The following LRP1B variants were observed in gnomAD, a reference collection of about 807,000 sequenced individuals.
LRP1B encodes the protein low-density lipoprotein receptor-related protein 1B.
A neutral mutation model predicts 556.6 loss-of-function variants in LRP1B; 217 were observed. The observed-to-expected ratio is 0.39, with a 90% CI of 0.35 to 0.44. The LOEUF (loss-of-function observed/expected upper bound fraction) is 0.44. Ranked by LOEUF, LRP1B falls within the 20% of genes least tolerant of loss-of-function variation. LRP1B has a pLI of 1.00. For synonymous variants in LRP1B, 2,047 were observed against 1,865.8 expected, an observed-to-expected ratio of 1.10 and a Z score of -2.50; for missense variants, 5,053 against 5,620.8, an observed-to-expected ratio of 0.90 and a Z score of 3.23.
chr2:141,159,510 G>A (rs956072917), intron 7 of LRP1B, among the ~76,000 whole-genome samples: 5 of 152,044 alleles, frequency 3.3e-5, no homozygotes, highest in African/African-American at 1.2e-4. Context: ...GGGACTACAG[G>A]TGCACACAAC....
intron 3 of LRP1B, among the ~76,000 whole-genome samples, chr2:141,339,412 T>G (rs1687972003): frequency 6.6e-6 from 1 of 152,174 alleles, no homozygotes; most frequent in South Asian, 2.1e-4. Flanking sequence ...TTGAGACAAT[T>G]TTAGGCTTTT....
chr2:140,952,742 T>C (rs2105304343), intron 18 of LRP1B, among the ~76,000 whole-genome samples: 1 of 152,134 alleles, frequency 6.6e-6, no homozygotes, highest in African/African-American at 2.4e-5. Flanking sequence ...ATAATCAAGG[T>C]GAATAGCCAA....
chr2:141,304,079 C>T (rs115696336), intron 3 of LRP1B, among the ~76,000 whole-genome samples: 2,351 of 152,096 alleles, frequency 0.015, 54 homozygotes, highest in African/African-American at 0.053. Flanking sequence ...GAAATATTTA[C>T]TCATTTCCTT....
rs868414270 is a variant in LRP1B, at chr2:141,831,760, C to T, written c.83-21359G>A. ...TGAGAAAATCATATAGTATTATATACAAATTATTATAGTCTGTGGCATGCA... is the reference window on the plus strand; with the variant it reads ...TGAGAAAATCATATAGTATTATATATAAATTATTATAGTCTGTGGCATGCA... On this transcript the variant is annotated intron_variant, in intron 1 of 90. Transcript: ENST00000389484. Among the ~76,000 whole-genome samples the T allele has an allele frequency of 6.6e-5, 10 of 151,524 alleles. No individual in the cohort carries two copies. The South Asian group carries it at 2.1e-3, about 31-fold the overall frequency.
intron 19 of LRP1B, among the ~76,000 whole-genome samples, chr2:140,950,697 G>C (rs1695687838): frequency 6.6e-6 from 1 of 151,982 alleles, no homozygotes; most frequent in Non-Finnish European, 1.5e-5. Flanking sequence ...GCCATGTGTT[G>C]GCCAGGCTGG....
chr2:141,435,806 G>T (rs961195298), intron 3 of LRP1B, among the ~76,000 whole-genome samples: 16 of 152,298 alleles, frequency 1.1e-4, no homozygotes, highest in African/African-American at 3.6e-4. Flanking sequence ...TATGAGTGTG[G>T]GTGAGTGGAG....
chr2:141,228,073 T>C (rs1444613094), intron 6 of LRP1B, among the ~76,000 whole-genome samples: 3 of 152,058 alleles, frequency 2.0e-5, no homozygotes, highest in Admixed American at 6.6e-5. Context: ...ATTAAAGGCG[T>C]GCACCAGCAT....
chr2:141,995,292 A>T (rs567906796), intron 1 of LRP1B, among the ~76,000 whole-genome samples: 1 of 152,220 alleles, frequency 6.6e-6, no homozygotes, highest in African/African-American at 2.4e-5. Flanking sequence ...TCCAAATTCT[A>T]CTAGCTGCCA....
At chr2:141,380,804 T>A (rs560041639) in intron 3 of LRP1B, among the ~76,000 whole-genome samples, 1 of 152,230 alleles carries the variant, frequency 6.6e-6, no homozygotes, top group African/African-American at 2.4e-5. Context: ...CTCTTTCACA[T>A]GTCTTGAGGC....
chr2:140,245,094 T>C (rs770165386), intron 87 of LRP1B, among the ~76,000 whole-genome samples: 1 of 151,372 alleles, frequency 6.6e-6, no homozygotes, highest in African/African-American at 2.4e-5. Flanking sequence ...TAATTTGACA[T>C]ATATGTAGCT....
At chr2:140,659,722 T>C (rs1000585404) in intron 41 of LRP1B, among the ~76,000 whole-genome samples, 1 of 151,908 alleles carries the variant, frequency 6.6e-6, no homozygotes, top group Non-Finnish European at 1.5e-5. Context: ...TGAGCAAATA[T>C]AAAACGATAC....
intron 45 of LRP1B, among the ~76,000 whole-genome samples, chr2:140,540,096 C>T (rs1014281811): frequency 5.3e-5 from 8 of 151,870 alleles, no homozygotes; most frequent in East Asian, 3.9e-4. Context: ...GAGTAAAAAT[C>T]GACTGAAGAT....
intron 86 of LRP1B, among the ~76,000 whole-genome samples, chr2:140,248,894 A>G (rs1407902028): frequency 6.6e-6 from 1 of 151,430 alleles, no homozygotes; most frequent in Non-Finnish European, 1.5e-5. Context: ...CCCCGAGAAT[A>G]TGTCATATGC....
chr2:142,095,723 A>C (rs1706337337), intron 1 of LRP1B, among the ~76,000 whole-genome samples: 1 of 150,924 alleles, frequency 6.6e-6, no homozygotes, highest in Non-Finnish European at 1.5e-5. Context: ...ACTGGAAAGG[A>C]GTTTAGTTAA....
intron 3 of LRP1B, among the ~76,000 whole-genome samples, chr2:141,432,533 G>A (rs1046254186): frequency 2.6e-5 from 4 of 151,970 alleles, no homozygotes; most frequent in Admixed American, 2.6e-4. Flanking sequence ...TAAGTGTTTA[G>A]TAGAATTAAC....
At chr2:141,449,898 G>A (rs971088938) in intron 3 of LRP1B, among the ~76,000 whole-genome samples, 2 of 152,094 alleles carry the variant, frequency 1.3e-5, no homozygotes, top group Non-Finnish European at 2.9e-5. Context: ...ATGTTTAGCG[G>A]CATTCCTCAC....
intron 2 of LRP1B, among the ~76,000 whole-genome samples, chr2:141,681,311 A>G (rs755891132): frequency 6.6e-6 from 1 of 151,974 alleles, no homozygotes; most frequent in East Asian, 1.9e-4. Context: ...GATATACTCT[A>G]TTGATTAAAT....
intron 59 of LRP1B, among the ~76,000 whole-genome samples, chr2:140,484,858 C>A (rs1264457284): frequency 1.3e-5 from 2 of 152,100 alleles, no homozygotes; most frequent in African/African-American, 2.4e-5. Flanking sequence ...TCCCAATAGT[C>A]CCATTCAGCT....
At chr2:140,382,987 G>A (rs556680828) in intron 67 of LRP1B, among the ~76,000 whole-genome samples, 6 of 152,242 alleles carry the variant, frequency 3.9e-5, no homozygotes, top group Admixed American at 2.0e-4. Flanking sequence ...TTTAGCCTAC[G>A]AGCAATTAGC....
Sources: allele counts gnomAD v4.1 joint callset (sites outside exome capture counted in the v4.1 genomes callset), GRCh38; gene constraint gnomAD v4.1.1; transcripts MANE v1.5; gene names NCBI Gene and HGNC (gene_info 2026-07-23, HGNC 2026-07-21).